The following FSTL5 variants were observed in gnomAD, a reference collection of about 807,000 sequenced individuals.
FSTL5 encodes follistatin like 5, also known as follistatin-related protein 5.
FSTL5 carries 62 observed loss-of-function variants against 89.1 expected under a neutral mutation model. The ratio of observed to expected loss-of-function variants is 0.70; its 90% CI spans 0.57 to 0.86. The LOEUF (loss-of-function observed/expected upper bound fraction) is 0.86. Ranked by LOEUF, FSTL5 falls within the 40% of genes least tolerant of loss-of-function variation. The probability of loss-of-function intolerance (pLI) is 0.00; values close to 1 mark genes in which losing one functional copy is unlikely to be tolerated. For missense variants in FSTL5, 1,057 were observed against 1,001.6 expected (o/e 1.06, Z -0.75); for synonymous variants, 383 against 346.2 (o/e 1.11, Z -1.18).
chr4:161,421,525 A>C (rs985236387), intron 15 of FSTL5, among the ~76,000 whole-genome samples: 1 of 152,196 alleles, frequency 6.6e-6, no homozygotes, highest in South Asian at 2.1e-4. Context: ...GGAGGTGTGC[A>C]TGGGTTCCAA....
chr4:161,507,279 A>T (rs1726256868), intron 11 of FSTL5, among the ~76,000 whole-genome samples: 1 of 151,902 alleles, frequency 6.6e-6, no homozygotes, highest in African/African-American at 2.4e-5. Context: ...AATTGCCACA[A>T]AATAAACATT....
At chr4:161,581,830 A>C (rs1313157706) in intron 8 of FSTL5, among the ~76,000 whole-genome samples, 1 of 152,254 alleles carries the variant, frequency 6.6e-6, no homozygotes, top group Non-Finnish European at 1.5e-5. Context: ...AACAGTGTAC[A>C]TATAGTTTCA....
intron 4 of FSTL5, among the ~76,000 whole-genome samples, chr4:161,806,500 A>G (rs1176425977): frequency 6.6e-6 from 1 of 152,158 alleles, no homozygotes; most frequent in Non-Finnish European, 1.5e-5. Flanking sequence ...AAGGGCAAAT[A>G]TTATAAGTAG....
chr4:161,660,864 C>T (rs1736682443), intron 6 of FSTL5, among the ~76,000 whole-genome samples: 1 of 152,010 alleles, frequency 6.6e-6, no homozygotes, highest in African/African-American at 2.4e-5. Context: ...TTTGTTTATC[C>T]AGTGTATCAT....
chr4:162,119,046 AC>A (rs991844689), intron 1 of FSTL5, among the ~76,000 whole-genome samples: 10 of 151,902 alleles, frequency 6.6e-5, no homozygotes, highest in African/African-American at 2.4e-4. Flanking sequence ...ATATAGCAAG[AC>A]CCCCTCTCTA....
chr4:161,407,112 A>C (rs964392542), intron 15 of FSTL5, among the ~76,000 whole-genome samples: 2 of 152,186 alleles, frequency 1.3e-5, no homozygotes, highest in Admixed American at 1.3e-4. Flanking sequence ...AAGCATTTTG[A>C]AACTAGATAG....
chr4:162,045,816 T>A (rs984016896), intron 2 of FSTL5, among the ~76,000 whole-genome samples: 1 of 152,180 alleles, frequency 6.6e-6, no homozygotes, highest in African/African-American at 2.4e-5. Flanking sequence ...AAATAAATAA[T>A]TTTTTAAATG....
intron 4 of FSTL5, among the ~76,000 whole-genome samples, chr4:161,867,758 A>G (rs573522571): frequency 6.6e-6 from 1 of 151,898 alleles, no homozygotes; most frequent in African/African-American, 2.4e-5. Flanking sequence ...AGAGAAAAAA[A>G]TCACATTCTA....
intron 6 of FSTL5, among the ~76,000 whole-genome samples, chr4:161,670,048 A>T (rs1327375158): frequency 6.6e-6 from 1 of 152,340 alleles, no homozygotes; most frequent in African/African-American, 2.4e-5. Context: ...ATTTGAAAAA[A>T]AAGACATTAT....
chr4:161,727,044 G>A (rs1469284877), intron 6 of FSTL5, among the ~76,000 whole-genome samples: 1 of 151,982 alleles, frequency 6.6e-6, no homozygotes, highest in African/African-American at 2.4e-5. Context: ...AGAAAATTGA[G>A]GCATTTTAAA....
chr4:162,118,136 T>G lies in FSTL5; in HGVS notation c.-16-6724A>C, dbSNP rs537490312. ...ACCGGAGTGGCTTCTCTAACATCCATCAGGCAAGTTTGTTTGTTGTAACAG... is the reference window on the plus strand; with the variant it reads ...ACCGGAGTGGCTTCTCTAACATCCAGCAGGCAAGTTTGTTTGTTGTAACAG... On this transcript the variant is annotated intron_variant, in intron 1 of 15. Coordinates refer to ENST00000306100, the MANE Select transcript of FSTL5 (RefSeq NM_020116.5). 4.6e-5 allele frequency among the ~76,000 whole-genome samples: 7 copies of G among 152,286 alleles called. No individual in the cohort carries two copies. In the South Asian group the frequency reaches 1.5e-3, roughly 32 times the overall value.
In FSTL5 at chr4:161,749,600, A is replaced by T. The variant is rs545066552; in HGVS notation, c.727+9811T>A. Among the ~76,000 whole-genome samples, 4 of 151,986 alleles carry T rather than the reference A, an allele frequency of 2.6e-5. No homozygotes were observed. The South Asian group carries it at 8.3e-4, about 32-fold the overall frequency. On this transcript the variant is annotated intron_variant, in intron 6 of 15. Coordinates refer to ENST00000306100, the MANE Select transcript of FSTL5 (RefSeq NM_020116.5). ...ATCCCGAGGTCAGGAGATCAAGACC[A>T]TCCTAGCTAACACGGTGAAACCCCA... is the stretch of plus-strand genomic sequence containing the variant.
At chr4:161,463,818 T>C (rs1441074433) in intron 13 of FSTL5, among the ~76,000 whole-genome samples, 1 of 152,196 alleles carries the variant, frequency 6.6e-6, no homozygotes, top group African/African-American at 2.4e-5. Context: ...TTGACTGCCG[T>C]CTTCCTCCCA....
intron 1 of FSTL5, among the ~76,000 whole-genome samples, chr4:162,115,166 T>C (rs1731587511): frequency 6.6e-6 from 1 of 152,184 alleles, no homozygotes; most frequent in Non-Finnish European, 1.5e-5. Flanking sequence ...GCTCCTCTTT[T>C]GTAAATAACT....
chr4:161,929,683 G>GTGTGTATA (rs1553983462), intron 3 of FSTL5, among the ~76,000 whole-genome samples: 37 of 98,256 alleles, frequency 3.8e-4, no homozygotes, highest in African/African-American at 1.2e-3. Flanking sequence ...GTGTGTGTGT[G>GTGTGTATA]TGTGTGTGTG....
intron 8 of FSTL5, among the ~76,000 whole-genome samples, chr4:161,569,813 C>G (rs560792471): frequency 6.6e-6 from 1 of 151,060 alleles, no homozygotes; most frequent in East Asian, 2.0e-4. Flanking sequence ...CACATTGTGG[C>G]TCTAAGGACT....
At chr4:161,741,585 T>C (rs1017710485) in intron 6 of FSTL5, among the ~76,000 whole-genome samples, 19 of 152,056 alleles carry the variant, frequency 1.2e-4, no homozygotes, top group Admixed American at 6.5e-5. Context: ...CAGATTGCAT[T>C]CCAGATCTAA....
intron 6 of FSTL5, among the ~76,000 whole-genome samples, chr4:161,744,394 A>G (rs1456699037): frequency 1.3e-5 from 2 of 152,166 alleles, no homozygotes; most frequent in African/African-American, 4.8e-5. Flanking sequence ...ATGTTGAATT[A>G]TATTCTCTAT....
At chr4:161,713,591 A>G (rs910788519) in intron 6 of FSTL5, among the ~76,000 whole-genome samples, 1 of 152,182 alleles carries the variant, frequency 6.6e-6, no homozygotes, top group Non-Finnish European at 1.5e-5. Flanking sequence ...GAAGGAATGA[A>G]AAAAGTATTA....
Sources: allele counts gnomAD v4.1 joint callset (sites outside exome capture counted in the v4.1 genomes callset), GRCh38; gene constraint gnomAD v4.1.1; transcripts MANE v1.5; gene names NCBI Gene and HGNC (gene_info 2026-07-23, HGNC 2026-07-21).